The following ABI1 variants were observed in gnomAD, a reference collection of about 807,000 sequenced individuals.
ABI1 encodes the protein abl interactor 1.
A neutral mutation model predicts 54.6 loss-of-function variants in ABI1; 14 were observed. The observed-to-expected ratio is 0.26, with a 90% confidence interval of 0.17 to 0.40. The LOEUF is 0.40. Ranked by LOEUF, ABI1 falls within the 10% of genes least tolerant of loss-of-function variation. ABI1 has a pLI of 1.00. For synonymous variants in ABI1, 194 were observed against 209.3 expected, an observed-to-expected ratio of 0.93 and a Z score of 0.63; for missense variants, 443 against 598.3, an observed-to-expected ratio of 0.74 and a Z score of 2.71.
intron 2 of ABI1, among the ~76,000 whole-genome samples, chr10:26,814,598 C>A (rs1216326900): frequency 2.0e-5 from 3 of 152,036 alleles, no homozygotes; most frequent in Non-Finnish European, 2.9e-5. Flanking sequence ...ACTACTGTGT[C>A]ATAAGAAATA....
Position 26,759,218 on chromosome 10 carries a change from C to T in ABI1, c.841G>A (p.Gly281Ser). ...IGPAAPGSAP[G>S]SQYGTMTRQI... Reference sequence around the variant, plus strand: ...CTGGTCATTGTGCCATACTGGGAACCAGGAGCTGAGCCCGGGGCTGCTGAA... The same window carrying T: ...CTGGTCATTGTGCCATACTGGGAACTAGGAGCTGAGCCCGGGGCTGCTGAA... The change falls in exon 8 of 11, where the codon GGT becomes AGT. Residue 281 changes from glycine to serine, a missense_variant. Gly to Ser is a moderately conservative substitution (Grantham distance 56). Around this residue, in one of 2 missense-constraint regions of ABI1, gnomAD observed 394 missense variants for 484.8 expected, o/e 0.81. Coordinates refer to ENST00000376140, the MANE Select transcript of ABI1 (RefSeq NM_001012750.3). 1 of 1,613,900 alleles carries T rather than the reference C, an allele frequency of 6.2e-7. No individual in the cohort carries two copies. Among genetic ancestry groups the T allele is most frequent in the Non-Finnish European group, 8.5e-7 (1 of 1,179,918 alleles).
chr10:26,752,044 T>A (rs1485998522), intron 9 of ABI1, among the ~76,000 whole-genome samples: 7 of 152,240 alleles, frequency 4.6e-5, no homozygotes, highest in Admixed American at 3.9e-4. Context: ...TGTCTCTTTT[T>A]ATAAGGATTA....
chr10:26,840,702 A>C (rs1430790504), intron 1 of ABI1, among the ~76,000 whole-genome samples: 1 of 152,254 alleles, frequency 6.6e-6, no homozygotes, highest in Non-Finnish European at 1.5e-5. Flanking sequence ...TGCTATTCCA[A>C]AAAATCTGAG....
chr10:26,814,125 A>T (rs948037510), intron 2 of ABI1, among the ~76,000 whole-genome samples: 2 of 152,144 alleles, frequency 1.3e-5, no homozygotes, highest in African/African-American at 4.8e-5. Context: ...TTGTTATATA[A>T]GGTTTTGTGA....
chr10:26,840,623 A>G (rs1385833733), intron 1 of ABI1, among the ~76,000 whole-genome samples: 1 of 152,218 alleles, frequency 6.6e-6, no homozygotes, highest in African/African-American at 2.4e-5. Context: ...ATTCTGGAAG[A>G]GTATAAAACT....
At chr10:26,855,063 A>G (rs938297494) in intron 1 of ABI1, among the ~76,000 whole-genome samples, 2 of 152,230 alleles carry the variant, frequency 1.3e-5, no homozygotes, top group Non-Finnish European at 2.9e-5. Flanking sequence ...TCAGATTTTC[A>G]GATTAGGGAG....
chr10:26,843,363 A>G (rs767014385), intron 1 of ABI1, among the ~76,000 whole-genome samples: 23 of 146,596 alleles, frequency 1.6e-4, no homozygotes, highest in South Asian at 2.2e-4. Flanking sequence ...CTGAGGCAGG[A>G]GAATCGCTTG....
chr10:26,777,969 G>A (rs1018279927), intron 2 of ABI1, among the ~76,000 whole-genome samples: 2 of 152,032 alleles, frequency 1.3e-5, no homozygotes, highest in African/African-American at 2.4e-5. Context: ...CTGAGAACAA[G>A]ACAACTAACT....
chr10:26,852,789 G>A (rs2050500822), intron 1 of ABI1, among the ~76,000 whole-genome samples: 1 of 152,044 alleles, frequency 6.6e-6, no homozygotes. Flanking sequence ...TTTGCTGGTC[G>A]GGCATGGTGG....
chr10:26,852,392 T>G (rs571857650), intron 1 of ABI1, among the ~76,000 whole-genome samples: 1 of 152,074 alleles, frequency 6.6e-6, no homozygotes, highest in African/African-American at 2.4e-5. Flanking sequence ...GGCAGGAGAA[T>G]TGATTGAACC....
intron 8 of ABI1, among the ~76,000 whole-genome samples, chr10:26,756,507 T>C (rs1459340879): frequency 2.0e-5 from 3 of 152,160 alleles, no homozygotes; most frequent in East Asian, 1.9e-4. Flanking sequence ...TTAAAATACG[T>C]AGTTCTTTGC....
Position 26,835,895 on chromosome 10 carries a change from G to A in ABI1, c.118-12590C>T, listed in dbSNP as rs183232994. On this transcript the variant is annotated intron_variant, in intron 1 of 10. Transcript: ENST00000376140. Reference sequence around the variant, plus strand: ...CTCCCAAGTAGCTGGCACTACAGGCGCATGCCACCATGTCTGGCTAACTTT... The same window carrying A: ...CTCCCAAGTAGCTGGCACTACAGGCACATGCCACCATGTCTGGCTAACTTT... Among the ~76,000 whole-genome samples the A allele has an allele frequency of 1.5e-3, 220 of 151,352 alleles. 1 individual carries two copies. In the South Asian group the frequency reaches 0.015, roughly 11 times the overall value.
chr10:26,790,418 C>G (rs909687420), intron 2 of ABI1: 1 of 151,874 alleles, frequency 6.6e-6, no homozygotes, highest in Non-Finnish European at 1.5e-5. Flanking sequence ...GATTGTTGGC[C>G]GCACATGTAT....
chr10:26,830,884 T>C (rs2048626378), intron 1 of ABI1, among the ~76,000 whole-genome samples: 1 of 152,164 alleles, frequency 6.6e-6, no homozygotes, highest in Admixed American at 6.6e-5. Flanking sequence ...TGATAAAATG[T>C]TCAAATATTT....
At position 26,825,356 on chromosome 10, in the gene ABI1, T is replaced by C. The variant is rs144696395; in HGVS notation, c.118-2051A>G. Among the ~76,000 whole-genome samples the C allele has an allele frequency of 3.6e-3, 547 of 151,984 alleles. 5 individuals are homozygous for C. The highest frequency in any genetic ancestry group is 0.03 in the East Asian group (154 of 5,152). On this transcript the variant is annotated intron_variant, in intron 1 of 10. Transcript: ENST00000376140. ...GCCTGGGCAACACAGTGAGACCCTG[T>C]CTCTGAAAAAAAAATTTTTTTTGGC... is the stretch of plus-strand genomic sequence containing the variant.
chr10:26,769,540 CTGAT>C (rs760735499), intron 5 of ABI1, among the ~76,000 whole-genome samples: 1 of 151,928 alleles, frequency 6.6e-6, no homozygotes, highest in South Asian at 2.1e-4. Flanking sequence ...TAAAAGAAGA[CTGAT>C]TGTTGAACAA....
intron 2 of ABI1, among the ~76,000 whole-genome samples, chr10:26,795,523 A>C (rs998893070): frequency 6.6e-6 from 1 of 152,194 alleles, no homozygotes; most frequent in Admixed American, 6.5e-5. Flanking sequence ...AGAAAAGATA[A>C]AAACACTGCT....
intron 2 of ABI1, among the ~76,000 whole-genome samples, chr10:26,822,220 G>A (rs988815168): frequency 1.3e-5 from 2 of 152,204 alleles, no homozygotes; most frequent in African/African-American, 4.8e-5. Context: ...GCAAAGAAGC[G>A]TTTGATAAAA....
At position 26,777,075 on chromosome 10, in the gene ABI1, T is replaced by C. The variant is rs897427779; in HGVS notation, c.452A>G (p.His151Arg). The C allele has an allele frequency of 1.3e-6, 2 of 1,595,114 alleles. No homozygotes were observed. The highest frequency in any genetic ancestry group is 1.4e-5 in the African/African-American group (1 of 74,002). Residue 151 changes from histidine (H) to arginine (R), a missense_variant, in exon 3 of 11, where the codon CAT becomes CGT. Physicochemically the swap from His to Arg is conservative, Grantham distance 29. Coordinates refer to ENST00000376140, the MANE Select transcript of ABI1 (RefSeq NM_001012750.3). ...IDYTVLDDVGHGVKWLKAKHG... is the reference protein window; with the variant it reads ...IDYTVLDDVGRGVKWLKAKHG... ...ATATAAAATGCTTACCTTGACACCA[T>C]GGCCCACATCATCCAGAACTGTGTA...
Sources: gnomAD v4.1 joint callset for allele counts (sites outside exome capture counted in the v4.1 genomes callset) on GRCh38, gnomAD v4.1.1 for gene constraint, gnomAD v4.1.1 regional missense constraint, MANE v1.5 for transcripts, NCBI Gene and HGNC (gene_info 2026-07-23, HGNC 2026-07-21) for gene names.